The following STX8 variants were observed in gnomAD, a reference collection of about 807,000 sequenced individuals.
STX8 encodes syntaxin-8.
Under a neutral mutation model 37.5 loss-of-function variants are expected in STX8, and 23 were observed. The ratio of observed to expected loss-of-function variants is 0.61; its 90% CI spans 0.44 to 0.87. STX8 has a LOEUF of 0.87. Ranked by LOEUF, STX8 falls within the 40% of genes least tolerant of loss-of-function variation. STX8 has a pLI of 0.00. For synonymous variants in STX8, 115 were observed against 99.1 expected (o/e 1.16, Z -0.95); for missense variants, 313 against 284.7 (o/e 1.10, Z -0.71).
At chr17:9,543,185 A>G (rs1388127401) in intron 4 of STX8, among the ~76,000 whole-genome samples, 1 of 152,140 alleles carries the variant, frequency 6.6e-6, no homozygotes, top group Non-Finnish European at 1.5e-5. Context: ...ATCTGTCTAC[A>G]TGACCACTAT....
intron 7 of STX8, among the ~76,000 whole-genome samples, chr17:9,321,805 G>A (rs962886790): frequency 1.3e-5 from 2 of 152,180 alleles, no homozygotes; most frequent in East Asian, 3.9e-4. Flanking sequence ...GGCATGAGCC[G>A]CCATGCCCAG....
At chr17:9,454,445 G>A (rs1057355781) in intron 6 of STX8, among the ~76,000 whole-genome samples, 2 of 152,052 alleles carry the variant, frequency 1.3e-5, no homozygotes, top group Admixed American at 6.5e-5. Context: ...CTGGGAGGCC[G>A]AGGCGGGCAG....
At chr17:9,500,771 G>A (rs1597711132) in intron 5 of STX8, among the ~76,000 whole-genome samples, 2 of 152,202 alleles carry the variant, frequency 1.3e-5, no homozygotes, top group East Asian at 1.9e-4. Flanking sequence ...GGGAGGCCGA[G>A]GCGGGCAGAT....
intron 4 of STX8, among the ~76,000 whole-genome samples, chr17:9,518,394 T>C (rs1240327626): frequency 6.6e-6 from 1 of 152,174 alleles, no homozygotes; most frequent in Admixed American, 6.5e-5. Flanking sequence ...CTCTCCTCTC[T>C]TGGCTTCCTC....
chr17:9,321,346 A>G (rs955558723), intron 7 of STX8, among the ~76,000 whole-genome samples: 11 of 151,948 alleles, frequency 7.2e-5, no homozygotes, highest in Admixed American at 7.2e-4. Context: ...CCTGGCCAAC[A>G]TGGTAAAACC....
chr17:9,296,497 T>A, intron 7 of STX8, among the ~76,000 whole-genome samples: 3 of 70,150 alleles, frequency 4.3e-5, no homozygotes, highest in African/African-American at 6.0e-5. Flanking sequence ...AAACTCCATC[T>A]CTCAAAAAAA....
At position 9,509,009 on chromosome 17, in the gene STX8, G is replaced by T. The variant is rs1904937886; in HGVS notation, c.324-3847C>A. ...CATGCCTGTTATCCCAGTACTTTGG[G>T]AGGCCGAGGCTGGCAGATCACGATG... On this transcript the variant is annotated intron_variant, in intron 4 of 7. Transcript: ENST00000306357. Among the ~76,000 whole-genome samples, 2 of 152,176 alleles carry T rather than the reference G, an allele frequency of 1.3e-5. 1 individual carries two copies. Among genetic ancestry groups the T allele is most frequent in the South Asian group, 4.1e-4 (2 of 4,822 alleles).
intron 7 of STX8, among the ~76,000 whole-genome samples, chr17:9,262,579 GT>G (rs1210932002): frequency 1.4e-5 from 2 of 145,436 alleles, no homozygotes; most frequent in East Asian, 4.4e-4. Flanking sequence ...TTTTTGTTTT[GT>G]TTTGTTTTTT....
chr17:9,466,766 C>T lies in STX8; in HGVS notation c.541+25063G>A, dbSNP rs184239513. Among the ~76,000 whole-genome samples, 736 of 152,278 alleles carry T rather than the reference C, an allele frequency of 4.8e-3. 4 individuals carry two copies. The highest frequency in any genetic ancestry group is 0.02 in the Middle Eastern group (6 of 294). ...GTGTGGCCAGGCAGCTCCATGAGAA[C>T]CTGGGGAATCTCAATTCAACCAACC... On this transcript the variant is annotated intron_variant, in intron 6 of 7. Coordinates refer to ENST00000306357, the MANE Select transcript of STX8 (RefSeq NM_004853.3).
intron 6 of STX8, among the ~76,000 whole-genome samples, chr17:9,466,136 A>G (rs1486830201): frequency 1.3e-5 from 2 of 151,998 alleles, no homozygotes; most frequent in African/African-American, 2.4e-5. Flanking sequence ...ACACCCGGCT[A>G]ATTTTTTTGT....
chr17:9,479,626 T>C (rs1347237324), intron 6 of STX8, among the ~76,000 whole-genome samples: 1 of 148,650 alleles, frequency 6.7e-6, no homozygotes, highest in African/African-American at 2.4e-5. Context: ...ATAAATTATA[T>C]ATAATATATA....
intron 6 of STX8, among the ~76,000 whole-genome samples, chr17:9,422,023 G>A (rs758879511): frequency 2.6e-5 from 4 of 151,844 alleles, no homozygotes; most frequent in South Asian, 2.1e-4. Context: ...AGGCCTCGCC[G>A]AGCCATGCTT....
chr17:9,502,900 C>T (rs34516927), intron 5 of STX8, among the ~76,000 whole-genome samples: 37,980 of 151,516 alleles, frequency 0.25, 4,998 homozygotes, highest in South Asian at 0.38. Context: ...GTCAGGAGTT[C>T]GAGACCAGCC....
At chr17:9,414,084 A>ATCTG (rs1913081524) in intron 6 of STX8, among the ~76,000 whole-genome samples, 7 of 27,236 alleles carry the variant, frequency 2.6e-4, no homozygotes, top group South Asian at 1.5e-3. Context: ...CCATCTGTCC[A>ATCTG]TCCATCCATC....
intron 1 of STX8, 95 bp downstream of exon 1, chr17:9,575,697 G>T: frequency 2.1e-6 from 3 of 1,457,440 alleles, no homozygotes; most frequent in Non-Finnish European, 9.3e-7. Flanking sequence ...ATCCCGAAAG[G>T]CCACCAGCGG....
chr17:9,500,104 G>A (rs1403341361), intron 5 of STX8, among the ~76,000 whole-genome samples: 1 of 152,104 alleles, frequency 6.6e-6, no homozygotes, highest in Non-Finnish European at 1.5e-5. Flanking sequence ...CTCCAAATAT[G>A]GTAATGGGTG....
At chr17:9,371,913 A>G (rs1035459849) in intron 7 of STX8, among the ~76,000 whole-genome samples, 2 of 152,162 alleles carry the variant, frequency 1.3e-5, no homozygotes, top group Admixed American at 6.5e-5. Context: ...ATTCATGTCC[A>G]TGGTCTATTG....
In STX8 at chr17:9,559,760, A is replaced by ATATATATATATTTTTTTT; in HGVS notation, c.118-2233_118-2232insAAAAAAAATATATATATA. Among the ~76,000 whole-genome samples, 13 of 24,488 alleles carry ATATATATATATTTTTTTT rather than the reference A, an allele frequency of 5.3e-4. No individual in the cohort carries two copies. The East Asian group carries it at 8.2e-3, about 16-fold the overall frequency. 16.1% of individuals were successfully genotyped at this position (24,488 alleles called of 152,430 possible). A position where few individuals can be genotyped will look rare whatever the true frequency, so the allele number is the denominator to read the frequency against. On this transcript the variant is annotated intron_variant, in intron 2 of 7. Coordinates refer to ENST00000306357, the MANE Select transcript of STX8 (RefSeq NM_004853.3). ...TATATATATATATATATATATATAT[A>ATATATATATATTTTTTTT]TTTTTTTTTTTTTTTTTTTTGAGAC...
rs777553145 is a variant in STX8, at chr17:9,250,633, A to G, written c.656T>C (p.Val219Ala). 12 of 1,598,420 alleles carry G rather than the reference A, an allele frequency of 7.5e-6. 1 individual carries two copies. In the South Asian group the frequency reaches 1.1e-4, roughly 15 times the overall value. The change falls in exon 8 of 8, where the codon GTG becomes GCG. Residue 219 changes from valine (V) to alanine (A), a missense_variant. Coordinates refer to ENST00000306357, the MANE Select transcript of STX8 (RefSeq NM_004853.3). ...RKSASCGMIMVILLLLVAIVV... is the reference protein window; with the variant it reads ...RKSASCGMIMAILLLLVAIVV... Reference sequence around the variant, plus strand: ...GATAGCCACAAGCAGCAGTAAAATCACCATGATCATCCCTGGAAAAAAGCA... The same window carrying G: ...GATAGCCACAAGCAGCAGTAAAATCGCCATGATCATCCCTGGAAAAAAGCA...
Sources: allele counts gnomAD v4.1 joint callset (sites outside exome capture counted in the v4.1 genomes callset), GRCh38; gene constraint gnomAD v4.1.1; transcripts MANE v1.5; gene names NCBI Gene and HGNC (gene_info 2026-07-23, HGNC 2026-07-21).